The following CAPS2 variants were observed in gnomAD, a reference collection of about 807,000 sequenced individuals.
CAPS2 encodes the protein calcyphosine 2, also known as calcyphosin-2.
In CAPS2, 98 loss-of-function variants were observed where a neutral mutation model predicts 86.5. That is an observed-to-expected ratio of 1.13 (90% CI 0.96 to 1.34). CAPS2 has a LOEUF of 1.34. CAPS2 is among the 40% of genes most tolerant of loss of function. The pLI, the probability that CAPS2 is intolerant of heterozygous loss-of-function variation, is 0.00. For synonymous variants in CAPS2, 210 were observed against 225.1 expected, an observed-to-expected ratio of 0.93 and a Z score of 0.60; for missense variants, 729 against 686.8, an observed-to-expected ratio of 1.06 and a Z score of -0.69.
At chr12:75,334,540 A>G, upstream of CAPS2, 1 of 1,396,584 alleles carries the variant, frequency 7.2e-7, no homozygotes, top group South Asian at 1.7e-5. Flanking sequence ...GCTTTGTGGA[A>G]GGGGAACCCT....
chr12:75,276,760 T>C (rs968182837), downstream of CAPS2: 57 of 861,744 alleles, frequency 6.6e-5, no homozygotes, highest in Admixed American at 3.1e-4. Flanking sequence ...TTATATAGCA[T>C]ACAAGCAAGT....
intron 1 of CAPS2, among the ~76,000 whole-genome samples, chr12:75,343,441 T>C (rs2042247455): frequency 6.6e-6 from 1 of 152,084 alleles, no homozygotes; most frequent in Non-Finnish European, 1.5e-5. Context: ...ATTTGTTTAG[T>C]GACTCTAATG....
In CAPS2 at chr12:75,356,222, T is replaced by G. The variant is rs1382994901; in HGVS notation, c.-394-33000A>C. ...TGGACATAATGCAAAAGAAGCAATA[T>G]CTTTAAAAACAAAAGCAAAATAAAA... On this transcript the variant is annotated intron_variant, in intron 1 of 5. Transcript: ENST00000551829. Among the ~76,000 whole-genome samples, 3 of 152,050 alleles carry G rather than the reference T, an allele frequency of 2.0e-5. 1 individual carries two copies. Among genetic ancestry groups the G allele is most frequent in the Non-Finnish European group, 4.4e-5 (3 of 67,994 alleles).
upstream of CAPS2, chr12:75,329,809 AATTAT>A: frequency 6.5e-7 from 1 of 1,533,070 alleles, no homozygotes; most frequent in Non-Finnish European, 8.8e-7. Context: ...CCTGCTCCCA[AATTAT>A]ATTATAATTC....
chr12:75,334,639 G>T (rs992009288), upstream of CAPS2: 6 of 1,540,386 alleles, frequency 3.9e-6, no homozygotes, highest in Non-Finnish European at 5.2e-6. Flanking sequence ...CCAAGGGAGA[G>T]CGTGGTGCGG....
At chr12:75,344,070 G>A (rs2042293726) in intron 1 of CAPS2, 5 of 655,596 alleles carry the variant, frequency 7.6e-6, no homozygotes, top group Non-Finnish European at 1.2e-5. Context: ...CATAGGTCTT[G>A]AGCAATTTAA....
intron 16 of CAPS2, among the ~76,000 whole-genome samples, chr12:75,280,287 G>C (rs146434785): frequency 2.0e-5 from 3 of 151,732 alleles, no homozygotes; most frequent in Non-Finnish European, 4.4e-5. Context: ...CCAGAGGTGC[G>C]CATGTGAATA....
At chr12:75,309,935 A>G (rs1295955681) in intron 7 of CAPS2, among the ~76,000 whole-genome samples, 1 of 152,224 alleles carries the variant, frequency 6.6e-6, no homozygotes, top group East Asian at 1.9e-4. Flanking sequence ...AGCAAAAATC[A>G]AGACATAGAG....
chr12:75,369,378 G>A (rs2044205528), intron 1 of CAPS2: 1 of 264,908 alleles, frequency 3.8e-6, no homozygotes. Flanking sequence ...CAATAAAAGG[G>A]ATTTTATTTT....
At chr12:75,323,638 G>T (rs1012685325) in intron 2 of CAPS2, among the ~76,000 whole-genome samples, 4 of 152,206 alleles carry the variant, frequency 2.6e-5, no homozygotes, top group Admixed American at 2.6e-4. Flanking sequence ...AGCTACTGGG[G>T]AGGCTAAGGC....
intron 1 of CAPS2, among the ~76,000 whole-genome samples, chr12:75,377,449 A>G (rs2044708384): frequency 6.6e-6 from 1 of 152,176 alleles, no homozygotes. Flanking sequence ...CCAAGTCCCA[A>G]AACCCCAAAA....
intron 1 of CAPS2, among the ~76,000 whole-genome samples, chr12:75,354,495 T>C (rs1003204315): frequency 2.0e-5 from 3 of 152,046 alleles, no homozygotes; most frequent in East Asian, 3.8e-4. Context: ...CACAAACAAA[T>C]GAAAAAACAT....
intron 4 of CAPS2, chr12:75,322,937 TA>T: frequency 1.7e-6 from 2 of 1,164,890 alleles, no homozygotes; most frequent in Non-Finnish European, 2.5e-6. Flanking sequence ...TATTTTAGAA[TA>T]AAATTCTGAA....
At chr12:75,301,728 A>C (rs1487276710) in intron 8 of CAPS2, among the ~76,000 whole-genome samples, 1 of 152,208 alleles carries the variant, frequency 6.6e-6, no homozygotes, top group Non-Finnish European at 1.5e-5. Flanking sequence ...TTCAATAGTA[A>C]ACAGAACTCA....
chr12:75,340,568 A>C, intron 1 of CAPS2, among the ~76,000 whole-genome samples: 1 of 152,136 alleles, frequency 6.6e-6, no homozygotes, highest in South Asian at 2.1e-4. Flanking sequence ...AACTATTTTT[A>C]AAAAGTCAAC....
chr12:75,320,898 T>C (rs1242510481), intron 5 of CAPS2, among the ~76,000 whole-genome samples: 1 of 151,946 alleles, frequency 6.6e-6, no homozygotes, highest in Non-Finnish European at 1.5e-5. Context: ...TTATACCTAA[T>C]ATTACATAAA....
exon 17 of CAPS2, chr12:75,277,687 A>T (rs966205403): frequency 4.7e-5 from 45 of 956,500 alleles, no homozygotes; most frequent in Non-Finnish European, 5.5e-5. Flanking sequence ...GTTGCTGCCA[A>T]GTATAGATGG....
intron 1 of CAPS2, among the ~76,000 whole-genome samples, chr12:75,335,519 T>C (rs2041669343): frequency 6.6e-6 from 1 of 152,186 alleles, no homozygotes; most frequent in African/African-American, 2.4e-5. Context: ...AATGCATCAC[T>C]ATGAGCATAA....
At chr12:75,288,305 A>G (rs962794938) in intron 14 of CAPS2, among the ~76,000 whole-genome samples, 1 of 151,508 alleles carries the variant, frequency 6.6e-6, no homozygotes, top group Non-Finnish European at 1.5e-5. Flanking sequence ...GTTAGGCAAC[A>G]TGATATTGGC....
Sources: allele counts gnomAD v4.1 joint callset (sites outside exome capture counted in the v4.1 genomes callset), GRCh38; gene constraint gnomAD v4.1.1; transcripts MANE v1.5; gene names NCBI Gene and HGNC (gene_info 2026-07-23, HGNC 2026-07-21).